The following PKD2 variants were observed in gnomAD, a reference collection of about 807,000 sequenced individuals.
PKD2 encodes the protein polycystin-2.
Under a neutral mutation model 105.9 loss-of-function variants are expected in PKD2, and 48 were observed. The observed-to-expected ratio is 0.45, with a 90% CI of 0.36 to 0.58. The LOEUF (loss-of-function observed/expected upper bound fraction) is 0.58, where lower values mean the gene tolerates loss of function less well. PKD2 is among the 20% of genes least tolerant of loss of function. PKD2 has a pLI of 0.00. For synonymous variants in PKD2, 464 were observed against 481.1 expected, an observed-to-expected ratio of 0.96 and a Z score of 0.46; for missense variants, 1,078 against 1,255.3, an observed-to-expected ratio of 0.86 and a Z score of 2.13.
chr4:88,038,239 C>T lies in PKD2; in HGVS notation c.844-12C>T. ...CTTGGAACTTTTTCAGAGATGTTTC[C>T]TTTGCTTTTAGTTCACAGAAGGCTC... On this transcript the variant is annotated splice_polypyrimidine_tract_variant and intron_variant, in intron 3 of 14. Transcript: ENST00000237596. 6.2e-7 allele frequency: 1 copy of T among 1,613,954 alleles called. No homozygotes were observed. The highest frequency in any genetic ancestry group is 8.5e-7 in the Non-Finnish European group (1 of 1,179,860).
chr4:88,046,118 A>C (rs1209713659), intron 5 of PKD2, among the ~76,000 whole-genome samples: 2 of 151,676 alleles, frequency 1.3e-5, no homozygotes, highest in Admixed American at 1.3e-4. Context: ...GGCAAGACTC[A>C]GTCTCTGCCA....
intron 13 of PKD2, among the ~76,000 whole-genome samples, chr4:88,070,585 TA>T (rs1720980590): frequency 2.4e-4 from 20 of 84,936 alleles, no homozygotes; most frequent in Non-Finnish European, 4.6e-4. Flanking sequence ...TATATATATA[TA>T]TATATATATA....
At chr4:88,068,185 T>C (rs972905972) in intron 13 of PKD2, 124 bp downstream of exon 13, 5 of 892,380 alleles carry the variant, frequency 5.6e-6, no homozygotes, top group East Asian at 5.1e-5. Flanking sequence ...AAATAACTTA[T>C]ACTGGCCAGA....
chr4:88,075,351 A>G (rs1721191708), intron 14 of PKD2, 107 bp from the exon 15 acceptor site: 1 of 873,412 alleles, frequency 1.1e-6, no homozygotes, highest in East Asian at 2.4e-5. Context: ...TTGCTATTAT[A>G]TGCTGTAAAT....
chr4:88,014,579 C>T (rs1726498243), intron 1 of PKD2, among the ~76,000 whole-genome samples: 1 of 152,004 alleles, frequency 6.6e-6, no homozygotes, highest in African/African-American at 2.4e-5. Flanking sequence ...AGATAAAAAG[C>T]CACTTCCCTT....
At chr4:88,042,494 A>G (rs1362872875) in intron 4 of PKD2, among the ~76,000 whole-genome samples, 1 of 152,122 alleles carries the variant, frequency 6.6e-6, no homozygotes, top group African/African-American at 2.4e-5. Flanking sequence ...CCATATGACC[A>G]TTCACCTGTG....
intron 10 of PKD2, among the ~76,000 whole-genome samples, chr4:88,064,364 G>A (rs147684200): frequency 6.6e-6 from 1 of 152,138 alleles, no homozygotes; most frequent in Non-Finnish European, 1.5e-5. Flanking sequence ...TGTTTCTAAT[G>A]TTTTACATTT....
chr4:88,069,829 A>G (rs1219834087), intron 13 of PKD2, among the ~76,000 whole-genome samples: 1 of 152,094 alleles, frequency 6.6e-6, no homozygotes, highest in East Asian at 1.9e-4. Flanking sequence ...TCTTTCTCCG[A>G]TACAGCTTTG....
chr4:88,012,479 A>G (rs1726416305), intron 1 of PKD2, among the ~76,000 whole-genome samples: 1 of 152,118 alleles, frequency 6.6e-6, no homozygotes, highest in Non-Finnish European at 1.5e-5. Context: ...AATCATACCA[A>G]CACAGTCCGT....
chr4:88,048,988 TA>T (rs2110118405), intron 6 of PKD2, among the ~76,000 whole-genome samples: 1 of 152,348 alleles, frequency 6.6e-6, no homozygotes, highest in Non-Finnish European at 1.5e-5. Context: ...TATATGGATT[TA>T]TTTATGTTTA....
chr4:88,067,907 G>A lies in PKD2; in HGVS notation c.2368G>A (p.Asp790Asn). ...DDLEKEREDL[D>N]LDHSSLPRPM... ...ACCCCTTGTTCTTCAGGAGGACCTG[G>A]ATTTGGATCACAGTTCTTTACCACG... Residue 790 changes from aspartate to asparagine, a missense_variant, in exon 13 of 15, where the codon GAT (aspartate) becomes AAT (asparagine). Physicochemically the swap from Asp to Asn is conservative, Grantham distance 23. Transcript: ENST00000237596. The A allele has an allele frequency of 3.7e-6, 6 of 1,613,846 alleles. No individual in the cohort carries two copies. Among genetic ancestry groups the A allele is most frequent in the Non-Finnish European group, 5.1e-6 (6 of 1,179,958 alleles).
Position 88,008,266 on chromosome 4 carries a change from T to C in PKD2, c.533T>C (p.Leu178Pro), listed in dbSNP as rs1560592339. The C allele has an allele frequency of 6.8e-7, 1 of 1,466,204 alleles. No individual in the cohort carries two copies. Among genetic ancestry groups the C allele is most frequent in the Non-Finnish European group, 9.0e-7 (1 of 1,113,418 alleles). 90.8% of individuals were successfully genotyped at this position (1,466,204 alleles called of 1,614,324 possible). A position where few individuals can be genotyped will look rare whatever the true frequency, so the allele number is the denominator to read the frequency against. The change falls in exon 1 of 15, where the codon CTC (leucine) becomes CCC (proline). Residue 178 changes from leucine to proline, a missense_variant. Transcript: ENST00000237596. ...GGCGGGGACCCGCTGCATCGCCACCTCCCCCTGGAAGGGCAGCCGCCCCGA... is the reference window on the plus strand; with the variant it reads ...GGCGGGGACCCGCTGCATCGCCACCCCCCCCTGGAAGGGCAGCCGCCCCGA... ...VGGGDPLHRH[L>P]PLEGQPPRVA...
intron 6 of PKD2, 29 bp from the exon 7 acceptor site, chr4:88,051,962 T>C: frequency 7.8e-7 from 1 of 1,276,542 alleles, no homozygotes; most frequent in Non-Finnish European, 1.1e-6. Context: ...TAAAACACTG[T>C]AATAAAATAT....
intron 10 of PKD2, among the ~76,000 whole-genome samples, chr4:88,062,583 A>G (rs1720616365): frequency 6.6e-6 from 1 of 152,224 alleles, no homozygotes; most frequent in Admixed American, 6.5e-5. Flanking sequence ...GCAGGACAGG[A>G]AAGTTGGGCC....
intron 12 of PKD2, 138 bp from the exon 13 acceptor site, chr4:88,067,760 G>T (rs370803259): frequency 1.5e-5 from 11 of 749,874 alleles, no homozygotes; most frequent in East Asian, 5.4e-5. Context: ...AAAAATGCAG[G>T]AGTCCCAGCC....
intron 3 of PKD2, among the ~76,000 whole-genome samples, chr4:88,037,280 G>T (rs1285314133): frequency 6.6e-6 from 1 of 151,922 alleles, no homozygotes; most frequent in Non-Finnish European, 1.5e-5. Flanking sequence ...AACAAAAAAG[G>T]TCTGCTGTTG....
rs1045137625 is a variant in PKD2, at chr4:88,075,825, T to G, written c.*131T>G. On this transcript the variant is annotated 3_prime_UTR_variant, in exon 15 of 15. Transcript: ENST00000237596. The stretch of plus-strand genomic sequence containing the variant: ...TCTTTGTGACCGATTGCTAATCTTC[T>G]GCACTTTAATTTATTTTATATAAAC... The G allele has an allele frequency of 1.3e-6, 1 of 754,862 alleles. No individual in the cohort carries two copies. The highest frequency in any genetic ancestry group is 2.4e-6 in the Non-Finnish European group (1 of 423,630). 46.8% of individuals were successfully genotyped at this position (754,862 alleles called of 1,614,324 possible).
intron 4 of PKD2, 88 bp from the exon 5 acceptor site, chr4:88,043,145 T>C: frequency 1.2e-6 from 1 of 854,808 alleles, no homozygotes; most frequent in Non-Finnish European, 2.0e-6. Context: ...ATACATACTT[T>C]ATTTTACAAG....
chr4:88,034,507 A>T (rs893959320), intron 2 of PKD2, among the ~76,000 whole-genome samples: 5 of 151,962 alleles, frequency 3.3e-5, no homozygotes, highest in Non-Finnish European at 7.4e-5. Flanking sequence ...TGTCTCTACT[A>T]AAAATAAAAA....
Sources: gnomAD v4.1 joint callset for allele counts (sites outside exome capture counted in the v4.1 genomes callset) on GRCh38, gnomAD v4.1.1 for gene constraint, MANE v1.5 for transcripts, NCBI Gene and HGNC (gene_info 2026-07-23, HGNC 2026-07-21) for gene names.